Variants in RALA observed in about 807,000 individuals in gnomAD.
RALA encodes RAS like proto-oncogene A.
Under a neutral mutation model 24.0 loss-of-function variants are expected in RALA, and 5 were observed. That is an observed-to-expected ratio of 0.21 (90% CI 0.11 to 0.44). RALA has a LOEUF of 0.44. Among genes scored for constraint, RALA ranks in the 20% least tolerant of loss-of-function variants. The pLI is 0.99. For synonymous variants in RALA, 77 were observed against 83.8 expected (o/e 0.92, Z 0.44); for missense variants, 95 against 241.2 (o/e 0.39, Z 4.01).
At chr7:39,674,205 A>G (rs1350571742) in intron 1 of RALA, among the ~76,000 whole-genome samples, 5 of 152,146 alleles carry the variant, frequency 3.3e-5, no homozygotes, top group African/African-American at 1.2e-4. Flanking sequence ...TTAGCCTTCT[A>G]AAGCACTGGG....
chr7:39,634,998 CT>C (rs1194709545), intron 1 of RALA, among the ~76,000 whole-genome samples: 1 of 152,064 alleles, frequency 6.6e-6, no homozygotes, highest in Non-Finnish European at 1.5e-5. Context: ...CTTGAATCTT[CT>C]TTATAATAAC....
chr7:39,693,620 T>G (rs960593969), intron 3 of RALA, among the ~76,000 whole-genome samples: 1 of 152,110 alleles, frequency 6.6e-6, no homozygotes, highest in Non-Finnish European at 1.5e-5. Flanking sequence ...AGGAAACTGG[T>G]TAAGAAAGTC....
At chr7:39,695,331 A>T (rs1792898970) in intron 3 of RALA, among the ~76,000 whole-genome samples, 1 of 152,104 alleles carries the variant, frequency 6.6e-6, no homozygotes, top group African/African-American at 2.4e-5. Flanking sequence ...TTTAATAGCT[A>T]ATACAGTGTA....
Position 39,697,572 on chromosome 7 carries a change from T to C in RALA, c.498+713T>C, listed in dbSNP as rs74804243. 107 of 376,700 alleles carry C rather than the reference T, an allele frequency of 2.8e-4. No homozygotes were observed. In the Middle Eastern group the frequency reaches 3.5e-3, roughly 12 times the overall value. The allele number at this position is 376,700 out of a possible 1,614,324, so 23.3% of individuals were successfully genotyped here. On this transcript the variant is annotated intron_variant, in intron 4 of 4. Coordinates refer to ENST00000005257, the MANE Select transcript of RALA (RefSeq NM_005402.4). The stretch of plus-strand genomic sequence containing the variant: ...TTCTTCAGCCTGCAAGTATCTAGGC[T>C]CTATAGTGTGCCTCTCAAGCTCCAA...
chr7:39,664,042 T>C (rs1015523043), intron 1 of RALA, among the ~76,000 whole-genome samples: 2 of 152,082 alleles, frequency 1.3e-5, no homozygotes, highest in African/African-American at 4.8e-5. Context: ...AGAAAAACAT[T>C]GAGGAGAAAG....
At chr7:39,700,187 AC>A (rs1474623110) in intron 4 of RALA, among the ~76,000 whole-genome samples, 1 of 152,176 alleles carries the variant, frequency 6.6e-6, no homozygotes, top group African/African-American at 2.4e-5. Flanking sequence ...AACAAAGTAC[AC>A]CCCAGAACCT....
intron 2 of RALA, among the ~76,000 whole-genome samples, chr7:39,687,896 T>G (rs111394296): frequency 6.6e-5 from 10 of 152,204 alleles, no homozygotes; most frequent in African/African-American, 2.4e-4. Flanking sequence ...ACTAAAAATA[T>G]CCCTACAGAT....
chr7:39,646,179 A>C (rs575136575), intron 1 of RALA, among the ~76,000 whole-genome samples: 1 of 152,234 alleles, frequency 6.6e-6, no homozygotes, highest in East Asian at 1.9e-4. Flanking sequence ...TATAGTCCTA[A>C]CTACTTGGCA....
intron 1 of RALA, among the ~76,000 whole-genome samples, chr7:39,629,821 T>C (rs992736794): frequency 1.3e-5 from 2 of 152,168 alleles, no homozygotes; most frequent in Non-Finnish European, 2.9e-5. Context: ...GGTCTCGATC[T>C]CCTGACCTCG....
intron 1 of RALA, among the ~76,000 whole-genome samples, chr7:39,669,593 C>G (rs1583732677): frequency 6.6e-6 from 1 of 152,210 alleles, no homozygotes; most frequent in African/African-American, 2.4e-5. Flanking sequence ...GAGAAGTTCA[C>G]TTGAGGCCAG....
chr7:39,654,077 G>A (rs1042616635), intron 1 of RALA, among the ~76,000 whole-genome samples: 1 of 152,140 alleles, frequency 6.6e-6, no homozygotes, highest in African/African-American at 2.4e-5. Context: ...GAAGGCAGAG[G>A]ACACTGCACA....
Position 39,666,039 on chromosome 7 carries a change from A to G in RALA, c.-37-20592A>G, listed in dbSNP as rs138576401. On this transcript the variant is annotated intron_variant, in intron 1 of 4. Transcript: ENST00000005257. ...ACAGAATAAGCACTCAATAAATAGG[A>G]AGATATTTATTTTTCCCCAAGGTTT... Among the ~76,000 whole-genome samples, 386 of 152,220 alleles carry G rather than the reference A, an allele frequency of 2.5e-3. 4 individuals are homozygous for G. Among genetic ancestry groups the G allele is most frequent in the Middle Eastern group, 0.014 (4 of 294 alleles).
At chr7:39,690,240 T>G in intron 2 of RALA, 142 bp from the exon 3 acceptor site, 2 of 639,156 alleles carry the variant, frequency 3.1e-6, no homozygotes, top group South Asian at 5.0e-5. Context: ...TAGTGTAGTT[T>G]TTACCATTGG....
intron 1 of RALA, among the ~76,000 whole-genome samples, chr7:39,659,806 C>T (rs1047397308): frequency 8.5e-5 from 13 of 152,164 alleles, no homozygotes; most frequent in African/African-American, 2.7e-4. Context: ...CTCTCACTAG[C>T]GTGTTCTCTC....
chr7:39,706,125 A>G lies in RALA; in HGVS notation c.501A>G (p.Val167=), dbSNP rs748284466. 9.4e-6 allele frequency: 15 copies of G among 1,598,238 alleles called. No individual in the cohort carries two copies. The East Asian group carries it at 2.5e-4, about 26-fold the overall frequency. ...SAKTRANVDK[V]FFDLMREIRA... ...TATCCTATTTTTTTTCTTTCTAGGT[A>G]TTTTTTGATTTAATGAGAGAAATTC... The change falls in exon 5 of 5, where the codon GTA becomes GTG. Residue 167 remains valine (V), a splice_region_variant and synonymous_variant. Coordinates refer to ENST00000005257, the MANE Select transcript of RALA (RefSeq NM_005402.4).
At chr7:39,672,714 G>A (rs1012308779) in intron 1 of RALA, among the ~76,000 whole-genome samples, 1 of 150,122 alleles carries the variant, frequency 6.7e-6, no homozygotes, top group Non-Finnish European at 1.5e-5. Flanking sequence ...CAAAAGCCTT[G>A]TCTAACAGAA....
At chr7:39,674,285 C>A (rs557928640) in intron 1 of RALA, among the ~76,000 whole-genome samples, 1 of 152,062 alleles carries the variant, frequency 6.6e-6, no homozygotes, top group Non-Finnish European at 1.5e-5. Context: ...ATTAAGTGAA[C>A]AATAATCTAT....
chr7:39,675,763 T>C (rs868321151), intron 1 of RALA, among the ~76,000 whole-genome samples: 24 of 150,190 alleles, frequency 1.6e-4, no homozygotes, highest in African/African-American at 5.3e-4. Flanking sequence ...AAAAAAAAAC[T>C]GTATATCTCC....
chr7:39,639,952 A>G (rs1047276719), intron 1 of RALA, among the ~76,000 whole-genome samples: 2 of 152,150 alleles, frequency 1.3e-5, no homozygotes, highest in African/African-American at 2.4e-5. Context: ...ATGATGAACC[A>G]AACAACATTA....
Sources: gnomAD v4.1 joint callset for allele counts (sites outside exome capture counted in the v4.1 genomes callset) on GRCh38, gnomAD v4.1.1 for gene constraint, MANE v1.5 for transcripts, NCBI Gene and HGNC (gene_info 2026-07-23, HGNC 2026-07-21) for gene names.